Variants in NAV1 observed in about 807,000 individuals in gnomAD.
NAV1 encodes the protein pore membrane and/or filament interacting like protein 3.
NAV1 carries 18 observed loss-of-function variants against 175.2 expected under a neutral mutation model. The observed-to-expected ratio is 0.10, with a 90% CI of 0.07 to 0.15. The LOEUF is 0.15. Ranked by LOEUF, NAV1 falls within the 10% of genes least tolerant of loss-of-function variation. NAV1 has a pLI of 1.00. For synonymous variants in NAV1, 897 were observed against 978.7 expected (o/e 0.92, Z 1.56); for missense variants, 1,731 against 2,436.6 (o/e 0.71, Z 6.10).
chr1:201,790,152 C>A (rs770499512), intron 11 of NAV1, among the ~76,000 whole-genome samples: 2 of 152,276 alleles, frequency 1.3e-5, no homozygotes, highest in Non-Finnish European at 2.9e-5. Context: ...ACTCCAGAAC[C>A]CTAGAAGTGA....
chr1:201,592,505 T>C (rs984294940), intron 2 of NAV1, among the ~76,000 whole-genome samples: 3 of 152,188 alleles, frequency 2.0e-5, no homozygotes, highest in Non-Finnish European at 1.5e-5. Flanking sequence ...AACCAGGGTT[T>C]CCCGACTTCC....
chr1:201,805,423 T>A (rs1201689462), intron 17 of NAV1, among the ~76,000 whole-genome samples: 2 of 152,024 alleles, frequency 1.3e-5, no homozygotes, highest in Non-Finnish European at 2.9e-5. Flanking sequence ...TAGAGAGGAA[T>A]GTGTTGGGAT....
intron 1 of NAV1, among the ~76,000 whole-genome samples, chr1:201,705,278 A>G (rs1671621624): frequency 6.6e-6 from 1 of 152,214 alleles, no homozygotes; most frequent in Non-Finnish European, 1.5e-5. Flanking sequence ...CCTGCCTGGC[A>G]GTTCCAGGCT....
At chr1:201,600,054 C>T (rs1288771233) in intron 2 of NAV1, among the ~76,000 whole-genome samples, 1 of 152,208 alleles carries the variant, frequency 6.6e-6, no homozygotes, top group Non-Finnish European at 1.5e-5. Flanking sequence ...GGGTCTTAAG[C>T]AAAGCGGCTC....
At chr1:201,649,585 C>T (rs934851542) in intron 1 of NAV1, among the ~76,000 whole-genome samples, 160 bp downstream of exon 5, 2 of 152,224 alleles carry the variant, frequency 1.3e-5, no homozygotes, top group African/African-American at 4.8e-5. Flanking sequence ...ATGTGCTGAG[C>T]TGGCCCACCT....
At chr1:201,556,524 G>A (rs1431523253) in intron 1 of NAV1, among the ~76,000 whole-genome samples, 1 of 152,172 alleles carries the variant, frequency 6.6e-6, no homozygotes, top group East Asian at 1.9e-4. Flanking sequence ...ACCCCTGGAG[G>A]GGCAGGAAGG....
intron 1 of NAV1, among the ~76,000 whole-genome samples, chr1:201,627,745 C>T (rs1176910285): frequency 6.6e-6 from 1 of 152,108 alleles, no homozygotes; most frequent in African/African-American, 2.4e-5. Context: ...TGTTGCATCC[C>T]CTACTTCAAA....
At chr1:201,745,255 C>T (rs902250271) in intron 3 of NAV1, among the ~76,000 whole-genome samples, 3 of 152,198 alleles carry the variant, frequency 2.0e-5, no homozygotes, top group East Asian at 3.8e-4. Context: ...ATCCCTCCCA[C>T]ACACATGCAT....
At chr1:201,728,139 TGA>T (rs1156608021) in intron 3 of NAV1, among the ~76,000 whole-genome samples, 1 of 152,114 alleles carries the variant, frequency 6.6e-6, no homozygotes, top group African/African-American at 2.4e-5. Context: ...TCTTTTTTTT[TGA>T]GACAGGATCT....
At chr1:201,784,344 G>C (rs753898979) in intron 7 of NAV1, among the ~76,000 whole-genome samples, 5 of 152,084 alleles carry the variant, frequency 3.3e-5, no homozygotes, top group Non-Finnish European at 7.4e-5. Context: ...TTTTAGTAGA[G>C]ACCAGGTTTC....
intron 2 of NAV1, among the ~76,000 whole-genome samples, chr1:201,604,698 G>A (rs1176370971): frequency 2.5e-5 from 3 of 119,064 alleles, no homozygotes; most frequent in African/African-American, 3.5e-5. Flanking sequence ...AAAAAAAGAA[G>A]AAGAAAGAAA....
At chr1:201,670,043 G>C (rs1669975606) in intron 1 of NAV1, among the ~76,000 whole-genome samples, 1 of 151,806 alleles carries the variant, frequency 6.6e-6, no homozygotes. Flanking sequence ...ATGTATAAAG[G>C]AAATAAATTT....
At chr1:201,623,720 C>A in intron 1 of NAV1, 114 bp downstream of exon 3, 2 of 952,978 alleles carry the variant, frequency 2.1e-6, no homozygotes, top group Non-Finnish European at 2.5e-6. Flanking sequence ...ACCAGAGGGC[C>A]CCAGGCGATA....
At chr1:201,649,011 ATGG>A in exon 1 of NAV1, 2 of 1,613,560 alleles carry the variant, frequency 1.2e-6, no homozygotes, top group Non-Finnish European at 1.7e-6. Flanking sequence ...GAGCGACGAT[ATGG>A]CCAAGGCGCC....
At chr1:201,690,581 AGT>A (rs1343829474) in intron 1 of NAV1, among the ~76,000 whole-genome samples, 36 of 142,108 alleles carry the variant, frequency 2.5e-4, no homozygotes, top group African/African-American at 9.5e-4. Context: ...TGTCTGTGGC[AGT>A]GTGTGTCTGT....
chr1:201,582,695 C>T (rs1666902245), intron 1 of NAV1, among the ~76,000 whole-genome samples: 1 of 152,210 alleles, frequency 6.6e-6, no homozygotes, highest in Non-Finnish European at 1.5e-5. Context: ...TCTGCAGTGT[C>T]TGGTATCTCA....
At chr1:201,608,981 C>T (rs1057386910) in intron 2 of NAV1, among the ~76,000 whole-genome samples, 1 of 152,158 alleles carries the variant, frequency 6.6e-6, no homozygotes. Flanking sequence ...CATAAGCAGC[C>T]GATGGAACAA....
chr1:201,652,515 G>A (rs1459702546), intron 1 of NAV1, among the ~76,000 whole-genome samples: 2 of 152,210 alleles, frequency 1.3e-5, no homozygotes, highest in Non-Finnish European at 2.9e-5. Context: ...ACCCTGGCCC[G>A]ATACTCACAT....
rs1467907716 is a variant in NAV1 at position 201,588,536 on chromosome 1, T to G, written c.-143-3T>G. Among the ~76,000 whole-genome samples the G allele has an allele frequency of 2.8e-5, 4 of 143,756 alleles. 1 individual carries two copies. The highest frequency in any genetic ancestry group is 2.1e-4 in the Admixed American group (3 of 14,442). 94.3% of individuals were successfully genotyped at this position (143,756 alleles called of 152,430 possible). A position where few individuals can be genotyped will look rare whatever the true frequency, so the allele number is the denominator to read the frequency against. ...CTGATTAATTTTTTTTTTTTTTTTG[T>G]AGAGACAGAGTCTTGCTATGTTGCC... On this transcript the variant is annotated splice_region_variant and splice_polypyrimidine_tract_variant and intron_variant, in intron 1 of 33. Coordinates refer to the NAV1 transcript ENST00000685211.
Sources: allele counts gnomAD v4.1 joint callset (sites outside exome capture counted in the v4.1 genomes callset), GRCh38; gene constraint gnomAD v4.1.1; transcripts MANE v1.5; gene names NCBI Gene and HGNC (gene_info 2026-07-23, HGNC 2026-07-21).